The following ZXDC variants were observed in gnomAD, a reference collection of about 807,000 sequenced individuals.
ZXDC encodes the protein ZXD family zinc finger C, also known as zinc finger protein ZXDC.
ZXDC carries 58 observed loss-of-function variants against 63.6 expected under a neutral mutation model. That is an observed-to-expected ratio of 0.91 (90% CI 0.74 to 1.13). ZXDC has a LOEUF of 1.13. Among genes scored for constraint, ZXDC ranks in the 50% most tolerant of loss-of-function variants. The probability of loss-of-function intolerance (pLI) is 0.00; values close to 1 mark genes in which losing one functional copy is unlikely to be tolerated. For synonymous variants in ZXDC, 561 were observed against 496.1 expected, an observed-to-expected ratio of 1.13 and a Z score of -1.74; for missense variants, 1,133 against 1,148.9, an observed-to-expected ratio of 0.99 and a Z score of 0.20.
At chr3:126,459,303 A>G in intron 7 of ZXDC, 1 of 985,422 alleles carries the variant, frequency 1.0e-6, no homozygotes, top group Non-Finnish European at 1.2e-6. Context: ...CCATGCCAAG[A>G]TCAGGCCCCA....
chr3:126,454,703 CTT>C (rs1934242132), intron 7 of ZXDC: 1 of 985,476 alleles, frequency 1.0e-6, no homozygotes, highest in East Asian at 1.1e-4. Context: ...AAGCACCACA[CTT>C]TCTTTCCCTT....
intron 7 of ZXDC, among the ~76,000 whole-genome samples, chr3:126,455,578 G>A (rs868407392): frequency 4.6e-5 from 7 of 152,328 alleles, no homozygotes; most frequent in South Asian, 2.1e-4. Flanking sequence ...AAAAAGCCAG[G>A]ATGGAGAATG....
At position 126,461,557 on chromosome 3, in the gene ZXDC, G is replaced by A. The variant is rs1041065150; in HGVS notation, c.2105C>T (p.Ala702Val). The A allele has an allele frequency of 4.3e-6, 7 of 1,612,962 alleles. No individual in the cohort carries two copies. Among genetic ancestry groups the A allele is most frequent in the Non-Finnish European group, 5.9e-6 (7 of 1,179,214 alleles). Residue 702 changes from alanine (A) to valine (V), a missense_variant, in exon 6 of 10, where the codon GCA becomes GTA. By Grantham distance (64) the Ala-to-Val change is moderately conservative. Transcript: ENST00000389709. ...TACCAAATAGAAGTTGCCAGTGCCT[G>A]CACTGAGCTCTGTGTCCTGGGCACC... is the stretch of plus-strand genomic sequence containing the variant. ...QHGAQDTELS[A>V]GTGNFYLESG...
intron 8 of ZXDC, chr3:126,440,958 C>A: frequency 1.0e-6 from 1 of 985,700 alleles, no homozygotes; most frequent in Non-Finnish European, 1.2e-6. Context: ...CTCCGCACTT[C>A]CGTGGGGCCT....
chr3:126,465,045 T>C (rs575993585), intron 5 of ZXDC, among the ~76,000 whole-genome samples: 12 of 152,278 alleles, frequency 7.9e-5, no homozygotes, highest in African/African-American at 2.9e-4. Flanking sequence ...GCCTGTCCCT[T>C]GCCAACGCGG....
In ZXDC at chr3:126,466,286, A is replaced by T; in HGVS notation, c.1310T>A (p.Ile437Asn). The T allele has an allele frequency of 6.2e-7, 1 of 1,614,228 alleles. No individual in the cohort carries two copies. ...ATCCTGCACGTGTTTCTTAGAGTGA[A>T]TGTACAGACTGCTACGAGCGGAGAA... ...ARFSARSSLY[I>N]HSKKHVQDVG... is the part of the protein sequence containing the mutation. Residue 437 changes from isoleucine to asparagine, a missense_variant, in exon 5 of 10, where the codon ATT (isoleucine) becomes AAT (asparagine). Physicochemically the swap from Ile to Asn is moderately radical, Grantham distance 149. Transcript: ENST00000389709.
chr3:126,474,482 C>T (rs182348136), intron 1 of ZXDC, among the ~76,000 whole-genome samples: 55 of 152,260 alleles, frequency 3.6e-4, no homozygotes, highest in Admixed American at 1.6e-3. Context: ...TGAGGTTCAA[C>T]GGAAATCAAA....
chr3:126,471,828 T>C (rs1934991818), intron 3 of ZXDC, 145 bp downstream of exon 3: 1 of 629,252 alleles, frequency 1.6e-6, no homozygotes, highest in Admixed American at 3.9e-5. Context: ...CTTTTTACAG[T>C]TTTCTGAATT....
rs1934194006 is a variant in ZXDC, at chr3:126,453,634, G to C, written c.2212+6019C>G. On this transcript the variant is annotated intron_variant, in intron 7 of 9. Transcript: ENST00000389709. ...ACGTGCAGGGAAGTCACTGGCTCAA[G>C]AGCTCAAACTTATAAACACATGGCC... 3.0e-6 allele frequency: 3 copies of C among 985,298 alleles called. No homozygotes were observed. The South Asian group carries it at 1.4e-4, about 46-fold the overall frequency. The allele number at this position is 985,298 out of a possible 1,614,324, so 61.0% of individuals were successfully genotyped here.
chr3:126,471,851 A>C (rs1189440996), intron 3 of ZXDC, 122 bp downstream of exon 3: 2 of 786,374 alleles, frequency 2.5e-6, no homozygotes, highest in African/African-American at 3.6e-5. Context: ...CCAAATCATC[A>C]ACACTGAGCT....
At chr3:126,455,435 T>C (rs1236597992) in intron 7 of ZXDC, among the ~76,000 whole-genome samples, 1 of 152,146 alleles carries the variant, frequency 6.6e-6, no homozygotes, top group African/African-American at 2.4e-5. Flanking sequence ...ACCGAGTGTC[T>C]GCATGTTGGA....
At chr3:126,474,440 A>C (rs1397433855) in intron 1 of ZXDC, among the ~76,000 whole-genome samples, 1 of 152,196 alleles carries the variant, frequency 6.6e-6, no homozygotes, top group Non-Finnish European at 1.5e-5. Flanking sequence ...TAACCTTCAC[A>C]GACGGCTAAT....
In ZXDC at chr3:126,444,080, G is replaced by C. The variant is rs896277282; in HGVS notation, c.2213-2134C>G. Among the ~76,000 whole-genome samples, 4 of 152,174 alleles carry C rather than the reference G, an allele frequency of 2.6e-5. No individual in the cohort carries two copies. The East Asian group carries it at 7.7e-4, about 29-fold the overall frequency. ...CATGTGTCATCACAACTTTGCAGCTGCAGGTTGAGTTTATTCAAGTGAGGG... is the reference window on the plus strand; with the variant it reads ...CATGTGTCATCACAACTTTGCAGCTCCAGGTTGAGTTTATTCAAGTGAGGG... On this transcript the variant is annotated intron_variant, in intron 7 of 9. Transcript: ENST00000389709.
At chr3:126,459,862 G>A in intron 6 of ZXDC, 125 bp from the exon 7 acceptor site, 1 of 1,565,548 alleles carries the variant, frequency 6.4e-7, no homozygotes, top group Non-Finnish European at 8.6e-7. Flanking sequence ...AGAGTCACCA[G>A]CAAGGCACAC....
intron 7 of ZXDC, chr3:126,450,427 G>A (rs937873218): frequency 4.4e-6 from 2 of 456,728 alleles, no homozygotes; most frequent in Non-Finnish European, 8.8e-6. Context: ...CCCCAGGGGT[G>A]TACACGGGGC....
chr3:126,452,124 T>A (rs1039545730), intron 7 of ZXDC: 1 of 985,294 alleles, frequency 1.0e-6, no homozygotes, highest in Admixed American at 6.1e-5. Context: ...CCCAGGTCGG[T>A]GCCCAGTGCG....
intron 7 of ZXDC, among the ~76,000 whole-genome samples, chr3:126,446,198 T>A (rs1366372624): frequency 6.6e-6 from 1 of 152,162 alleles, no homozygotes; most frequent in Non-Finnish European, 1.5e-5. Context: ...TGCTGGAGAA[T>A]CTGCAGGAGT....
intron 8 of ZXDC, 94 bp from the exon 9 acceptor site, chr3:126,439,821 G>A (rs544579372): frequency 1.9e-5 from 28 of 1,468,642 alleles, no homozygotes; most frequent in Middle Eastern, 3.6e-4. Flanking sequence ...GCTGCAATGC[G>A]TGGCAGAACC....
At position 126,475,314 on chromosome 3, in the gene ZXDC, C is replaced by A; in HGVS notation, c.552G>T (p.Leu184=). Residue 184 remains leucine, a synonymous_variant, in exon 1 of 10, where the codon CTG becomes CTT. Coordinates refer to ENST00000389709, the MANE Select transcript of ZXDC (RefSeq NM_025112.5). ...GYRCPEPQCA[L]AFAKKHQLKV... is the part of the protein sequence containing the mutation. ...TGAGCTGGTGCTTCTTGGCGAAGGC[C>A]AGCGCGCACTGCGGCTCGGGGCAGC... 1.3e-6 allele frequency: 2 copies of A among 1,546,576 alleles called. No individual in the cohort carries two copies. Among genetic ancestry groups the A allele is most frequent in the Non-Finnish European group, 1.7e-6 (2 of 1,144,760 alleles).
Sources: allele counts gnomAD v4.1 joint callset (sites outside exome capture counted in the v4.1 genomes callset), GRCh38; gene constraint gnomAD v4.1.1; transcripts MANE v1.5; gene names NCBI Gene and HGNC (gene_info 2026-07-23, HGNC 2026-07-21).